The following CCDC91 variants were observed in gnomAD, a reference collection of about 807,000 sequenced individuals.
CCDC91 encodes the protein coiled-coil domain containing 91, also known as coiled-coil domain-containing protein 91.
Under a neutral mutation model 63.2 loss-of-function variants are expected in CCDC91, and 48 were observed. The observed-to-expected ratio is 0.76, with a 90% CI of 0.60 to 0.97. The LOEUF (loss-of-function observed/expected upper bound fraction) is 0.97, where lower values mean the gene tolerates loss of function less well. CCDC91 is among the 50% of genes least tolerant of loss of function. The pLI, the probability that CCDC91 is intolerant of heterozygous loss-of-function variation, is 0.00. For synonymous variants in CCDC91, 167 were observed against 165.8 expected (o/e 1.01, Z -0.06); for missense variants, 500 against 494.6 (o/e 1.01, Z -0.10).
At chr12:28,542,176 A>G (rs1470968594) in intron 12 of CCDC91, among the ~76,000 whole-genome samples, 1 of 152,064 alleles carries the variant, frequency 6.6e-6, no homozygotes. Context: ...TCCATTTCCC[A>G]GTGGATTATT....
chr12:28,361,067 T>A (rs1285790064), intron 6 of CCDC91, among the ~76,000 whole-genome samples: 1 of 151,706 alleles, frequency 6.6e-6, no homozygotes, highest in Non-Finnish European at 1.5e-5. Flanking sequence ...TATCTTTTCA[T>A]TTTTAGAAAT....
At chr12:28,424,386 G>T (rs1440077680) in intron 8 of CCDC91, among the ~76,000 whole-genome samples, 1 of 152,098 alleles carries the variant, frequency 6.6e-6, no homozygotes, top group Non-Finnish European at 1.5e-5. Flanking sequence ...CTGCCGATTT[G>T]TTCGTCAGAA....
Position 28,458,455 on chromosome 12 carries a change from C to CTTTTTTTTTTTTTTTTTTTTTT in CCDC91, c.1101+5812_1101+5833dup, listed in dbSNP as rs60083355. On this transcript the variant is annotated intron_variant, in intron 11 of 12. Coordinates refer to ENST00000536442, the MANE Select transcript of CCDC91 (RefSeq NM_018318.5). ...TTCCCTTTTGTCCTCATTTGCACAC[C>CTTTTTTTTTTTTTTTTTTTTTT]TTTTTTTTTTTTTTTTTTTTTTTTT... Among the ~76,000 whole-genome samples the CTTTTTTTTTTTTTTTTTTTTTT allele has an allele frequency of 6.5e-5, 3 of 45,806 alleles. 1 individual carries two copies. The highest frequency in any genetic ancestry group is 2.2e-4 in the African/African-American group (2 of 9,074). The allele number at this position is 45,806 out of a possible 152,430, so 30.1% of individuals were successfully genotyped here.
intron 8 of CCDC91, among the ~76,000 whole-genome samples, chr12:28,403,503 G>T (rs1393307755): frequency 2.0e-5 from 3 of 151,906 alleles, no homozygotes; most frequent in Non-Finnish European, 2.9e-5. Flanking sequence ...GATGTCTCTG[G>T]GGTCTTATCC....
chr12:28,516,554 A>C (rs1939967649), intron 12 of CCDC91, among the ~76,000 whole-genome samples: 1 of 151,948 alleles, frequency 6.6e-6, no homozygotes, highest in Non-Finnish European at 1.5e-5. Flanking sequence ...CAGTGAGCCA[A>C]GATTGTGCCA....
intron 7 of CCDC91, among the ~76,000 whole-genome samples, chr12:28,367,527 T>C (rs1180510647): frequency 6.6e-6 from 1 of 152,214 alleles, no homozygotes; most frequent in East Asian, 1.9e-4. Flanking sequence ...ATTTATGTTA[T>C]CCAATCCTGG....
At chr12:28,538,914 A>G (rs1420853783) in intron 12 of CCDC91, among the ~76,000 whole-genome samples, 2 of 152,210 alleles carry the variant, frequency 1.3e-5, no homozygotes, top group Non-Finnish European at 2.9e-5. Context: ...TCTTTTGAGA[A>G]GCGTCTGTTG....
chr12:28,473,046 A>G (rs1273139169), intron 11 of CCDC91, among the ~76,000 whole-genome samples: 3 of 152,204 alleles, frequency 2.0e-5, no homozygotes, highest in Admixed American at 6.5e-5. Flanking sequence ...CCCATAGTAT[A>G]AGTCTTGCTG....
chr12:28,442,435 C>T (rs1471813759), intron 8 of CCDC91, among the ~76,000 whole-genome samples: 2 of 151,978 alleles, frequency 1.3e-5, no homozygotes, highest in African/African-American at 2.4e-5. Context: ...TGTCATTATA[C>T]ATAACTCTGA....
intron 8 of CCDC91, among the ~76,000 whole-genome samples, chr12:28,433,843 A>G (rs4931080): frequency 0.41 from 61,659 of 151,634 alleles, 12,813 homozygotes; most frequent in Middle Eastern, 0.48. Flanking sequence ...TGATCTCAGA[A>G]TATTTCTCTA....
intron 11 of CCDC91, among the ~76,000 whole-genome samples, chr12:28,475,298 A>G (rs1484144704): frequency 6.6e-6 from 1 of 152,104 alleles, no homozygotes; most frequent in East Asian, 1.9e-4. Flanking sequence ...TTGCAGGGAT[A>G]GAATGTAGGA....
chr12:28,285,154 A>T (rs751083230), intron 3 of CCDC91, among the ~76,000 whole-genome samples: 1 of 152,144 alleles, frequency 6.6e-6, no homozygotes, highest in Non-Finnish European at 1.5e-5. Flanking sequence ...TGAAATGGTT[A>T]TCTAAGGTTT....
intron 12 of CCDC91, among the ~76,000 whole-genome samples, chr12:28,488,002 T>C (rs1951813047): frequency 6.6e-6 from 1 of 151,798 alleles, no homozygotes; most frequent in Non-Finnish European, 1.5e-5. Flanking sequence ...CCTTATGGAT[T>C]ATCTAACAAT....
intron 3 of CCDC91, among the ~76,000 whole-genome samples, chr12:28,294,781 T>C (rs562233186): frequency 6.6e-6 from 1 of 152,086 alleles, no homozygotes; most frequent in South Asian, 2.1e-4. Context: ...GATGGGGTTT[T>C]GCCATGTTGG....
chr12:28,354,118 A>G, intron 6 of CCDC91, among the ~76,000 whole-genome samples: 1 of 152,180 alleles, frequency 6.6e-6, no homozygotes, highest in Non-Finnish European at 1.5e-5. Context: ...AATTACATGC[A>G]CTTAGTGGCT....
At chr12:28,489,033 T>G (rs1951865272) in intron 12 of CCDC91, among the ~76,000 whole-genome samples, 1 of 151,950 alleles carries the variant, frequency 6.6e-6, no homozygotes, top group Non-Finnish European at 1.5e-5. Context: ...AATAGCAGAG[T>G]TGAGTAAAGA....
chr12:28,472,656 TCA>T (rs1592770021), intron 11 of CCDC91, among the ~76,000 whole-genome samples: 1 of 152,180 alleles, frequency 6.6e-6, no homozygotes, highest in East Asian at 1.9e-4. Context: ...AAATGTCTTT[TCA>T]CACAGACAAG....
chr12:28,344,687 A>G (rs549926139), intron 6 of CCDC91, among the ~76,000 whole-genome samples: 1 of 152,290 alleles, frequency 6.6e-6, no homozygotes, highest in South Asian at 2.1e-4. Flanking sequence ...GCATTTTCAC[A>G]ATAACCCTGT....
intron 8 of CCDC91, among the ~76,000 whole-genome samples, chr12:28,395,236 A>G (rs1044981699): frequency 9.9e-5 from 15 of 152,136 alleles, no homozygotes; most frequent in Middle Eastern, 3.2e-3. Flanking sequence ...TTGACACCAG[A>G]TGTGTGGGAG....
Sources: gnomAD v4.1 joint callset for allele counts (sites outside exome capture counted in the v4.1 genomes callset) on GRCh38, gnomAD v4.1.1 for gene constraint, MANE v1.5 for transcripts, NCBI Gene and HGNC (gene_info 2026-07-23, HGNC 2026-07-21) for gene names.